MYBPC1: variants seen among roughly 807,000 people sequenced by gnomAD.
MYBPC1 encodes the protein myosin-binding protein C, slow-type.
Under a neutral mutation model 147.1 loss-of-function variants are expected in MYBPC1, and 52 were observed. The observed-to-expected ratio is 0.35, with a 90% CI of 0.28 to 0.45. The LOEUF (loss-of-function observed/expected upper bound fraction) is 0.45, where lower values mean the gene tolerates loss of function less well. Among genes scored for constraint, MYBPC1 ranks in the 20% least tolerant of loss-of-function variants. The probability of loss-of-function intolerance (pLI) is 1.00; values close to 1 mark genes in which losing one functional copy is unlikely to be tolerated. For missense variants in MYBPC1, 1,228 were observed against 1,440.3 expected, an observed-to-expected ratio of 0.85 and a Z score of 2.39; for synonymous variants, 477 against 475.9, an observed-to-expected ratio of 1.00 and a Z score of -0.03.
chr12:101,660,053 G>T (rs771000103), intron 19 of MYBPC1: 1 of 585,760 alleles, frequency 1.7e-6, no homozygotes, highest in Admixed American at 2.9e-5. Flanking sequence ...CCCTTTTGGT[G>T]CCCTTTAAAC....
chr12:101,675,452 G>T (rs1296299406), intron 26 of MYBPC1, 21 bp downstream of exon 26: 1 of 1,613,838 alleles, frequency 6.2e-7, no homozygotes, highest in African/African-American at 1.3e-5. Flanking sequence ...GCTTTCTCTG[G>T]TTCATCAGTA....
intron 22 of MYBPC1, 59 bp downstream of exon 22, chr12:101,663,619 C>A: frequency 6.4e-7 from 1 of 1,559,922 alleles, no homozygotes; most frequent in African/African-American, 1.4e-5. Flanking sequence ...TATGTCCCTC[C>A]CCTTTCTTTT....
intron 18 of MYBPC1, among the ~76,000 whole-genome samples, chr12:101,657,845 A>G (rs1423177004): frequency 6.6e-6 from 1 of 152,184 alleles, no homozygotes; most frequent in African/African-American, 2.4e-5. Flanking sequence ...TAATATCAAA[A>G]CCAGAAAATT....
intron 10 of MYBPC1, among the ~76,000 whole-genome samples, chr12:101,640,575 C>T (rs1309134630): frequency 6.6e-6 from 1 of 152,156 alleles, no homozygotes; most frequent in Admixed American, 6.5e-5. Flanking sequence ...GTTGTCTAGT[C>T]CTTCCCATCA....
rs140172503 is a variant in MYBPC1 at position 101,673,541 on chromosome 12, A to G, written c.2728A>G (p.Arg910Gly). 1 of 1,614,044 alleles carries G rather than the reference A, an allele frequency of 6.2e-7. No individual in the cohort carries two copies. The highest frequency in any genetic ancestry group is 1.3e-5 in the African/African-American group (1 of 74,934). The change falls in exon 25 of 32, where the codon AGG becomes GGG. Residue 910 changes from arginine (R) to glycine (G), a missense_variant. Physicochemically the swap from Arg to Gly is moderately radical, Grantham distance 125. This residue lies in a region of MYBPC1 where 1,077 missense variants were observed against 1,314.2 expected (regional missense o/e 0.82). Transcript: ENST00000361466. ...AATCATATTTATTAGAAAAGCAGAG[A>G]GGAGCCACTCTGGGAAATATGATCT... is the stretch of plus-strand genomic sequence containing the variant. ...DTIIFIRKAE[R>G]SHSGKYDLQV...
chr12:101,683,755 T>G (rs1047228973), intron 30 of MYBPC1, among the ~76,000 whole-genome samples: 1 of 152,190 alleles, frequency 6.6e-6, no homozygotes, highest in Non-Finnish European at 1.5e-5. Context: ...ATATTTGTTT[T>G]GTGAGTTTCC....
At chr12:101,606,203 A>AACACACACAC (rs113061042) in intron 1 of MYBPC1, among the ~76,000 whole-genome samples, 3,619 of 145,846 alleles carry the variant, frequency 0.025, 147 homozygotes, top group African/African-American at 0.086. Flanking sequence ...TCAAAAAAGA[A>AACACACACAC]ACACACACAC....
chr12:101,619,605 G>A (rs1464870899), intron 3 of MYBPC1, among the ~76,000 whole-genome samples: 1 of 152,154 alleles, frequency 6.6e-6, no homozygotes, highest in Non-Finnish European at 1.5e-5. Context: ...TGGGTAGGAG[G>A]ATGAACATCC....
intron 16 of MYBPC1, among the ~76,000 whole-genome samples, chr12:101,651,797 A>G (rs1447139331): frequency 1.3e-5 from 2 of 152,088 alleles, no homozygotes; most frequent in African/African-American, 4.8e-5. Flanking sequence ...AAAATTAGCC[A>G]GGCGTGGTGG....
chr12:101,631,861 T>C, intron 7 of MYBPC1, 142 bp downstream of exon 7: 1 of 1,383,460 alleles, frequency 7.2e-7, no homozygotes, highest in Non-Finnish European at 1.0e-6. Flanking sequence ...TACACTCTAT[T>C]GCGATTGCCC....
At chr12:101,661,924 A>AGAAAAAATATTT (rs1286483726) in intron 20 of MYBPC1, among the ~76,000 whole-genome samples, 1 of 54,430 alleles carries the variant, frequency 1.8e-5, no homozygotes, top group African/African-American at 5.6e-5. Context: ...AAGAAAGAAA[A>AGAAAAAATATTT]AATATTTAAA....
At chr12:101,681,848 A>G (rs925946112) in intron 29 of MYBPC1, among the ~76,000 whole-genome samples, 2 of 151,578 alleles carry the variant, frequency 1.3e-5, no homozygotes, top group African/African-American at 4.8e-5. Flanking sequence ...GCCTCAAGCA[A>G]TCCATCTGCC....
intron 14 of MYBPC1, among the ~76,000 whole-genome samples, chr12:101,648,997 T>A (rs1028869267): frequency 2.6e-5 from 4 of 152,212 alleles, no homozygotes; most frequent in African/African-American, 9.6e-5. Context: ...TAATATCCAC[T>A]CTTAGCAGTT....
intron 6 of MYBPC1, among the ~76,000 whole-genome samples, chr12:101,629,980 C>G (rs987461634): frequency 6.6e-6 from 1 of 152,164 alleles, no homozygotes; most frequent in Non-Finnish European, 1.5e-5. Flanking sequence ...GCCACTACTT[C>G]TATCTATTTC....
At position 101,685,690 on chromosome 12, in the gene MYBPC1, C is replaced by G; in HGVS notation, c.*128C>G. On this transcript the variant is annotated 3_prime_UTR_variant, in exon 32 of 32. Transcript: ENST00000361466. ...AATCCTGAGGAATACTGAGGGAGGG[C>G]CTGGCTACTGTCTCTCTGCACTCTG... The G allele has an allele frequency of 1.3e-6, 2 of 1,492,612 alleles. No homozygotes were observed. The highest frequency in any genetic ancestry group is 1.4e-5 in the African/African-American group (1 of 71,980). The allele number at this position is 1,492,612 out of a possible 1,614,324, so 92.5% of individuals were successfully genotyped here.
chr12:101,647,609 C>G (rs1893476949), intron 13 of MYBPC1, among the ~76,000 whole-genome samples: 1 of 140,780 alleles, frequency 7.1e-6, no homozygotes, highest in Admixed American at 7.1e-5. Flanking sequence ...AACTCACAGA[C>G]AGCCACAGTG....
chr12:101,692,114 C>T, the MYBPC1 span, among the ~76,000 whole-genome samples: 1 of 152,118 alleles, frequency 6.6e-6, no homozygotes, highest in Admixed American at 6.5e-5. Context: ...CCAATGGGCC[C>T]ACACAGCTGG....
rs528800177 is a variant in MYBPC1, at chr12:101,650,060, A to T, written c.1363+634A>T. On this transcript the variant is annotated intron_variant, in intron 15 of 31. Transcript: ENST00000361466. ...TCATATAATCATTGAATTATTCAGG[A>T]TCAATCCCAATACATTCCTTATGCT... is the stretch of plus-strand genomic sequence containing the variant. Among the ~76,000 whole-genome samples the T allele has an allele frequency of 1.1e-4, 16 of 152,352 alleles. No individual in the cohort carries two copies. The East Asian group carries it at 1.9e-3, about 18-fold the overall frequency.
At chr12:101,629,321 G>A (rs1251047072) in intron 5 of MYBPC1, 113 bp from the exon 6 acceptor site, 1 of 752,960 alleles carries the variant, frequency 1.3e-6, no homozygotes, top group Non-Finnish European at 2.4e-6. Flanking sequence ...TATTTATCTA[G>A]GTTTATTAGA....
Sources: allele counts gnomAD v4.1 joint callset (sites outside exome capture counted in the v4.1 genomes callset), GRCh38; gene constraint gnomAD v4.1.1; regional missense constraint gnomAD v4.1.1; transcripts MANE v1.5; gene names NCBI Gene and HGNC (gene_info 2026-07-23, HGNC 2026-07-21).